PARD3B: variants seen among roughly 807,000 people sequenced by gnomAD.
The protein encoded by PARD3B is partitioning defective 3 homolog B.
Under a neutral mutation model 130.2 loss-of-function variants are expected in PARD3B, and 103 were observed. That is an observed-to-expected ratio of 0.79 (90% CI 0.67 to 0.93). PARD3B has a LOEUF of 0.93. Among genes scored for constraint, PARD3B ranks in the 40% least tolerant of loss-of-function variants. The pLI, the probability that PARD3B is intolerant of heterozygous loss-of-function variation, is 0.00. For synonymous variants in PARD3B, 583 were observed against 553.2 expected, an observed-to-expected ratio of 1.05 and a Z score of -0.76; for missense variants, 1,609 against 1,499.2, an observed-to-expected ratio of 1.07 and a Z score of -1.21.
At chr2:205,185,325 C>T (rs1401201852) in intron 13 of PARD3B, among the ~76,000 whole-genome samples, 5 of 151,968 alleles carry the variant, frequency 3.3e-5, no homozygotes, top group Non-Finnish European at 7.4e-5. Flanking sequence ...TATACTATAT[C>T]GTGATTTTTT....
intron 1 of PARD3B, among the ~76,000 whole-genome samples, chr2:204,642,540 A>C (rs553910959): frequency 6.6e-6 from 1 of 152,316 alleles, no homozygotes; most frequent in Admixed American, 6.5e-5. Flanking sequence ...ATTTCTGTCC[A>C]TGGTGGCATA....
intron 16 of PARD3B, among the ~76,000 whole-genome samples, chr2:205,262,061 A>G (rs2040335001): frequency 6.6e-6 from 1 of 152,122 alleles, no homozygotes; most frequent in Admixed American, 6.5e-5. Context: ...TTGGCTTTTC[A>G]TCTTTCTAAA....
At chr2:205,581,386 AAT>A (rs1559238513) in intron 22 of PARD3B, among the ~76,000 whole-genome samples, 1 of 80,382 alleles carries the variant, frequency 1.2e-5, no homozygotes, top group Non-Finnish European at 2.6e-5. Flanking sequence ...TGTATATATA[AAT>A]ATATATAAAT....
chr2:204,732,818 G>A (rs1378633098), intron 2 of PARD3B, among the ~76,000 whole-genome samples: 3 of 152,128 alleles, frequency 2.0e-5, no homozygotes, highest in African/African-American at 7.2e-5. Flanking sequence ...TTCATTGTGA[G>A]GGTAGAATTT....
At chr2:205,180,882 C>A (rs1244745724) in intron 13 of PARD3B, among the ~76,000 whole-genome samples, 1 of 152,096 alleles carries the variant, frequency 6.6e-6, no homozygotes, top group Non-Finnish European at 1.5e-5. Context: ...GTCCCAGGGG[C>A]TTCCTATAAA....
chr2:205,096,509 C>G (rs1010208051), intron 4 of PARD3B, among the ~76,000 whole-genome samples: 2 of 152,212 alleles, frequency 1.3e-5, no homozygotes, highest in African/African-American at 4.8e-5. Context: ...GATTTAGCCT[C>G]TGTAGCACAT....
Position 205,325,927 on chromosome 2 carries a change from T to C in PARD3B, c.2630+24226T>C, listed in dbSNP as rs1322521014. ...TAAACACAAAAACATCCTATCATCG[T>C]AGACTTCATTGCCTGTGTATCTTAA... On this transcript the variant is annotated intron_variant, in intron 18 of 22. Coordinates refer to ENST00000406610, the MANE Select transcript of PARD3B (RefSeq NM_001302769.2). This position sits in a 1 kb window ranked among gnomAD's most constrained non-coding sequence, Gnocchi z 4.1. 2.0e-5 allele frequency among the ~76,000 whole-genome samples: 3 copies of C among 152,238 alleles called. No individual in the cohort carries two copies. Among genetic ancestry groups the C allele is most frequent in the Non-Finnish European group, 4.4e-5 (3 of 68,046 alleles).
intron 22 of PARD3B, among the ~76,000 whole-genome samples, chr2:205,612,915 G>C (rs1044341406): frequency 5.3e-5 from 8 of 152,140 alleles, no homozygotes; most frequent in Non-Finnish European, 1.2e-4. Flanking sequence ...AGCAAGGTGT[G>C]GGAGAAGAGA....
rs2040616466 is a variant in PARD3B, at chr2:205,268,985, A to G, written c.2185+23163A>G. Among the ~76,000 whole-genome samples the G allele has an allele frequency of 1.3e-5, 2 of 152,284 alleles. No homozygotes were observed. Among genetic ancestry groups the G allele is most frequent in the African/African-American group, 4.8e-5 (2 of 41,572 alleles). On this transcript the variant is annotated intron_variant, in intron 16 of 22. Transcript: ENST00000406610. The surrounding 1 kb of genome is among the most constrained non-coding windows in gnomAD (Gnocchi z 4.1). ...AGTATGAATAAAATAAGTATAAATC[A>G]TTCATTTTTCAAAAACCTGTGAAGC...
intron 2 of PARD3B, among the ~76,000 whole-genome samples, chr2:204,949,086 G>C (rs1383514642): frequency 1.3e-5 from 2 of 152,134 alleles, no homozygotes; most frequent in African/African-American, 4.8e-5. Flanking sequence ...GTTTTTATGA[G>C]ATAAAACTAT....
At chr2:205,576,109 A>G (rs918529698) in intron 22 of PARD3B, among the ~76,000 whole-genome samples, 29 of 151,954 alleles carry the variant, frequency 1.9e-4, no homozygotes, top group African/African-American at 6.3e-4. Context: ...TTTAATTTGC[A>G]TTTCCTTGAT....
intron 21 of PARD3B, among the ~76,000 whole-genome samples, chr2:205,511,498 C>A (rs1166195140): frequency 6.6e-6 from 1 of 152,128 alleles, no homozygotes; most frequent in Non-Finnish European, 1.5e-5. Context: ...TGGTTAAAAC[C>A]CCAAATTCCA....
At chr2:205,378,098 A>T (rs143124540) in intron 18 of PARD3B, among the ~76,000 whole-genome samples, 37 of 152,202 alleles carry the variant, frequency 2.4e-4, no homozygotes, top group Non-Finnish European at 4.7e-4. Flanking sequence ...GGGTTAAAAT[A>T]TGTCCTTTTC....
At chr2:205,134,263 C>CT (rs1466460195) in intron 10 of PARD3B, among the ~76,000 whole-genome samples, 2 of 151,900 alleles carry the variant, frequency 1.3e-5, no homozygotes, top group African/African-American at 4.8e-5. Context: ...TGGCTCATGC[C>CT]TGTAATCCCA....
chr2:204,989,918 A>G (rs1315536736), intron 3 of PARD3B, among the ~76,000 whole-genome samples: 2 of 152,124 alleles, frequency 1.3e-5, no homozygotes, highest in African/African-American at 4.8e-5. Flanking sequence ...AACATATAAC[A>G]ATTTTCTCTA....
chr2:205,607,857 C>T (rs1042981684), intron 22 of PARD3B, among the ~76,000 whole-genome samples: 5 of 151,716 alleles, frequency 3.3e-5, no homozygotes, highest in Non-Finnish European at 4.4e-5. Flanking sequence ...CACACACACA[C>T]ACACACACAC....
At position 204,610,696 on chromosome 2, in the gene PARD3B, A is replaced by G. The variant is rs1179506419; in HGVS notation, c.120+64577A>G. On this transcript the variant is annotated intron_variant, in intron 1 of 22. Coordinates refer to ENST00000406610, the MANE Select transcript of PARD3B (RefSeq NM_001302769.2). This position sits in a 1 kb window ranked among gnomAD's most constrained non-coding sequence, Gnocchi z 4.1. The stretch of plus-strand genomic sequence containing the variant: ...TAGAACCACTTTGATATGTTAGTCT[A>G]CTTCAGGACAGGTGCCTCTTCTCTC... Among the ~76,000 whole-genome samples the G allele has an allele frequency of 6.6e-6, 1 of 152,108 alleles. No individual in the cohort carries two copies. The highest frequency in any genetic ancestry group is 1.5e-5 in the Non-Finnish European group (1 of 68,010).
chr2:205,452,666 T>G (rs1012728830), intron 20 of PARD3B, among the ~76,000 whole-genome samples: 7 of 152,332 alleles, frequency 4.6e-5, no homozygotes, highest in Middle Eastern at 3.4e-3. Flanking sequence ...ATCCCATCTC[T>G]TTAAAACTTG....
rs2106525070 is a variant in PARD3B at position 205,562,874 on chromosome 2, C to T, written c.3260+9471C>T. Among the ~76,000 whole-genome samples, 1 of 152,338 alleles carries T rather than the reference C, an allele frequency of 6.6e-6. No homozygotes were observed. The highest frequency in any genetic ancestry group is 2.1e-4 in the South Asian group (1 of 4,824). On this transcript the variant is annotated intron_variant, in intron 22 of 22. Coordinates refer to ENST00000406610, the MANE Select transcript of PARD3B (RefSeq NM_001302769.2). The surrounding 1 kb of genome is among the most constrained non-coding windows in gnomAD (Gnocchi z 5.4). The stretch of plus-strand genomic sequence containing the variant: ...TCTTCTCTGACTCCAGCCATTTGCA[C>T]TGTCCCTTGATTCAAGTTCCTGGGT...
Sources: gnomAD v4.1 joint callset for allele counts (sites outside exome capture counted in the v4.1 genomes callset) on GRCh38, gnomAD v4.1.1 for gene constraint, Gnocchi (gnomAD v3.1) non-coding constraint, MANE v1.5 for transcripts, NCBI Gene and HGNC (gene_info 2026-07-23, HGNC 2026-07-21) for gene names.